PTPRR: variants seen among roughly 807,000 people sequenced by gnomAD.
PTPRR encodes receptor-type tyrosine-protein phosphatase R.
Under a neutral mutation model 77.2 loss-of-function variants are expected in PTPRR, and 38 were observed. The ratio of observed to expected loss-of-function variants is 0.49; its 90% CI spans 0.38 to 0.65. PTPRR has a LOEUF of 0.65. Ranked by LOEUF, PTPRR falls within the 30% of genes least tolerant of loss-of-function variation. PTPRR has a pLI of 0.00. For synonymous variants in PTPRR, 299 were observed against 283.1 expected (o/e 1.06, Z -0.57); for missense variants, 744 against 799.2 (o/e 0.93, Z 0.83).
chr12:70,835,238 C>T (rs1565713291), intron 2 of PTPRR, among the ~76,000 whole-genome samples: 2 of 151,904 alleles, frequency 1.3e-5, no homozygotes, highest in African/African-American at 4.8e-5. Context: ...CATAAATGCC[C>T]TTTGTATACT....
At chr12:70,845,193 G>A (rs970951913) in intron 2 of PTPRR, among the ~76,000 whole-genome samples, 2 of 139,806 alleles carry the variant, frequency 1.4e-5, no homozygotes, top group Non-Finnish European at 3.0e-5. Flanking sequence ...GTGGGTGAGA[G>A]TTGACAGAAT....
intron 4 of PTPRR, among the ~76,000 whole-genome samples, chr12:70,757,904 A>G (rs1890600040): frequency 6.6e-6 from 1 of 152,246 alleles, no homozygotes; most frequent in Non-Finnish European, 1.5e-5. Flanking sequence ...GAAAACTCAC[A>G]GAATAGCATT....
At chr12:70,821,549 C>T (rs1167965105) in intron 2 of PTPRR, among the ~76,000 whole-genome samples, 1 of 150,610 alleles carries the variant, frequency 6.6e-6, no homozygotes, top group Non-Finnish European at 1.5e-5. Flanking sequence ...ATTGCCTTGA[C>T]CTCAGGCAGG....
At chr12:70,683,509 G>A (rs979284128) in intron 10 of PTPRR, among the ~76,000 whole-genome samples, 3 of 152,016 alleles carry the variant, frequency 2.0e-5, no homozygotes, top group East Asian at 1.9e-4. Flanking sequence ...CTCAAATCTC[G>A]TTTTCTTAAT....
At chr12:70,917,920 A>T (rs532879438) in intron 1 of PTPRR, among the ~76,000 whole-genome samples, 2 of 152,304 alleles carry the variant, frequency 1.3e-5, no homozygotes, top group South Asian at 4.1e-4. Context: ...GCGTAACCAA[A>T]ATGGATCAAT....
intron 6 of PTPRR, among the ~76,000 whole-genome samples, chr12:70,713,894 G>A (rs538184899): frequency 1.3e-5 from 2 of 152,212 alleles, no homozygotes; most frequent in East Asian, 3.9e-4. Flanking sequence ...GTGGGCCATG[G>A]TTTGCCTGGG....
chr12:70,676,276 CCTAT>C (rs1887443078), intron 10 of PTPRR, among the ~76,000 whole-genome samples: 1 of 151,846 alleles, frequency 6.6e-6, no homozygotes, highest in East Asian at 1.9e-4. Flanking sequence ...TGATGCTAAA[CCTAT>C]CTAATAAGAT....
intron 2 of PTPRR, among the ~76,000 whole-genome samples, chr12:70,843,869 G>A (rs983469889): frequency 2.1e-4 from 31 of 145,704 alleles, no homozygotes; most frequent in Admixed American, 4.2e-4. Flanking sequence ...AGGCTGGAGC[G>A]CAATGGCACA....
chr12:70,792,379 A>T (rs889424206), intron 2 of PTPRR, among the ~76,000 whole-genome samples: 8 of 152,160 alleles, frequency 5.3e-5, no homozygotes, highest in African/African-American at 1.9e-4. Context: ...TTAATTTTTC[A>T]ACTATGTCAT....
At chr12:70,717,738 C>A (rs1889086490) in intron 6 of PTPRR, among the ~76,000 whole-genome samples, 1 of 152,162 alleles carries the variant, frequency 6.6e-6, no homozygotes, top group Admixed American at 6.5e-5. Flanking sequence ...ATTTTAATTT[C>A]TTCCATGCAT....
intron 2 of PTPRR, among the ~76,000 whole-genome samples, chr12:70,831,748 T>C (rs890355768): frequency 1.3e-5 from 2 of 152,220 alleles, no homozygotes; most frequent in African/African-American, 4.8e-5. Flanking sequence ...TCTCATTTCC[T>C]AAGAAAGCCT....
At chr12:70,743,665 A>T (rs1890122390) in intron 6 of PTPRR, among the ~76,000 whole-genome samples, 1 of 152,122 alleles carries the variant, frequency 6.6e-6, no homozygotes, top group Admixed American at 6.6e-5. Flanking sequence ...GAAGTTGTAG[A>T]TAAGGGGACA....
chr12:70,669,434 T>A (rs78685908), intron 10 of PTPRR, among the ~76,000 whole-genome samples: 12,560 of 149,612 alleles, frequency 0.084, 665 homozygotes, highest in East Asian at 0.25. Context: ...CAAAGCTATT[T>A]TATATATATA....
intron 10 of PTPRR, among the ~76,000 whole-genome samples, chr12:70,671,213 C>G (rs189942057): frequency 1.3e-5 from 2 of 152,182 alleles, no homozygotes; most frequent in African/African-American, 4.8e-5. Flanking sequence ...TGCCAGACTT[C>G]TCAGTATCAT....
chr12:70,883,479 G>C (rs1893183799), intron 2 of PTPRR, among the ~76,000 whole-genome samples: 1 of 152,100 alleles, frequency 6.6e-6, no homozygotes, highest in African/African-American at 2.4e-5. Flanking sequence ...GCTTAAGCTA[G>C]GACCTTGGCT....
chr12:70,695,782 C>G (rs1342400005), intron 8 of PTPRR, among the ~76,000 whole-genome samples: 1 of 152,066 alleles, frequency 6.6e-6, no homozygotes, highest in Non-Finnish European at 1.5e-5. Context: ...TTCTAACACG[C>G]AGCACTTTCA....
chr12:70,679,574 G>A (rs1887579817), intron 10 of PTPRR, among the ~76,000 whole-genome samples: 1 of 152,036 alleles, frequency 6.6e-6, no homozygotes, highest in Non-Finnish European at 1.5e-5. Context: ...GGGTACTCTA[G>A]TGTTAGGTGC....
chr12:70,777,382 T>C (rs1431028514), intron 2 of PTPRR, among the ~76,000 whole-genome samples: 3 of 152,088 alleles, frequency 2.0e-5, no homozygotes, highest in Non-Finnish European at 4.4e-5. Flanking sequence ...CCCATGTCTA[T>C]ATTATAACAT....
intron 2 of PTPRR, among the ~76,000 whole-genome samples, chr12:70,864,307 C>T (rs1004548701): frequency 5.9e-5 from 9 of 152,154 alleles, no homozygotes; most frequent in Non-Finnish European, 1.2e-4. Flanking sequence ...TGGGAATGCT[C>T]TTTGCAACAG....
Sources: gnomAD v4.1 joint callset for allele counts (sites outside exome capture counted in the v4.1 genomes callset) on GRCh38, gnomAD v4.1.1 for gene constraint, MANE v1.5 for transcripts, NCBI Gene and HGNC (gene_info 2026-07-23, HGNC 2026-07-21) for gene names.